The following TNFAIP8 variants were observed in gnomAD, a reference collection of about 807,000 sequenced individuals.
The protein encoded by TNFAIP8 is TNF alpha induced protein 8.
A neutral mutation model predicts 13.3 loss-of-function variants in TNFAIP8; 7 were observed. The ratio of observed to expected loss-of-function variants is 0.52; its 90% CI spans 0.30 to 0.99. TNFAIP8 has a LOEUF of 0.99. Ranked by LOEUF, TNFAIP8 falls within the 50% of genes least tolerant of loss-of-function variation. TNFAIP8 has a pLI of 0.07. For synonymous variants in TNFAIP8, 94 were observed against 87.6 expected (o/e 1.07, Z -0.41); for missense variants, 258 against 236.9 (o/e 1.09, Z -0.58).
rs577315440 is a variant in TNFAIP8, at chr5:119,315,727, T to A, written c.1+46820T>A. Among the ~76,000 whole-genome samples, 3 of 152,234 alleles carry A rather than the reference T, an allele frequency of 2.0e-5. No individual in the cohort carries two copies. The South Asian group carries it at 6.2e-4, about 32-fold the overall frequency. ...TGACCTTGGAGCTTTTTTACAGGAA[T>A]CAAGCTTTGCTGTCAGCTCCTGACA... On this transcript the variant is annotated intron_variant, in intron 1 of 1. Coordinates refer to the TNFAIP8 transcript ENST00000274456.
chr5:119,288,598 G>C (rs1748880984), intron 1 of TNFAIP8, among the ~76,000 whole-genome samples: 1 of 152,194 alleles, frequency 6.6e-6, no homozygotes, highest in Admixed American at 6.5e-5. Flanking sequence ...ACAGCTGGAA[G>C]GCAGCCTTTC....
chr5:119,358,775 CT>C (rs1293886264), intron 1 of TNFAIP8, among the ~76,000 whole-genome samples: 1 of 152,168 alleles, frequency 6.6e-6, no homozygotes, highest in Non-Finnish European at 1.5e-5. Flanking sequence ...CTCTGAGAAT[CT>C]TTCTAGTGCT....
At chr5:119,375,102 C>T (rs1752232975) in intron 1 of TNFAIP8, among the ~76,000 whole-genome samples, 1 of 152,186 alleles carries the variant, frequency 6.6e-6, no homozygotes, top group Admixed American at 6.5e-5. Flanking sequence ...CCAGCCAAAA[C>T]ATGTTGCCTG....
chr5:119,316,555 G>C (rs1161984564), intron 1 of TNFAIP8, among the ~76,000 whole-genome samples: 6 of 152,072 alleles, frequency 3.9e-5, no homozygotes, highest in African/African-American at 1.4e-4. Flanking sequence ...TTTGAGTTGG[G>C]TTAAATTGAT....
chr5:119,389,455 G>C (rs956923121), intron 1 of TNFAIP8, among the ~76,000 whole-genome samples: 10 of 152,152 alleles, frequency 6.6e-5, no homozygotes, highest in African/African-American at 1.9e-4. Context: ...TCCAGGACTA[G>C]CTCTGAGATA....
chr5:119,312,968 C>T (rs1389694205), intron 1 of TNFAIP8, among the ~76,000 whole-genome samples: 1 of 151,974 alleles, frequency 6.6e-6, no homozygotes, highest in African/African-American at 2.4e-5. Context: ...AATAGGCTAT[C>T]TAATAAAAAC....
intron 1 of TNFAIP8, among the ~76,000 whole-genome samples, chr5:119,280,904 AG>A (rs143945489): frequency 0.094 from 14,222 of 151,940 alleles, 1,007 homozygotes; most frequent in African/African-American, 0.2. Flanking sequence ...ATCACTGATT[AG>A]GGTTTTTTTT....
upstream of TNFAIP8, chr5:119,355,093 T>C: frequency 1.9e-6 from 1 of 535,664 alleles, no homozygotes; most frequent in Non-Finnish European, 3.3e-6. Context: ...GGACTTCCTC[T>C]CAGCCAATTT....
intron 1 of TNFAIP8, among the ~76,000 whole-genome samples, chr5:119,348,334 A>C (rs1750982473): frequency 6.6e-6 from 1 of 152,256 alleles, no homozygotes; most frequent in African/African-American, 2.4e-5. Flanking sequence ...ACCTATGTTT[A>C]TCTCATCACA....
intron 1 of TNFAIP8, among the ~76,000 whole-genome samples, chr5:119,359,221 A>G (rs1293271138): frequency 6.6e-6 from 1 of 152,086 alleles, no homozygotes; most frequent in Non-Finnish European, 1.5e-5. Flanking sequence ...ATATAGAAGA[A>G]CTCAAGCTCC....
chr5:119,378,245 G>A (rs1752355053), intron 1 of TNFAIP8, among the ~76,000 whole-genome samples: 3 of 152,162 alleles, frequency 2.0e-5, no homozygotes, highest in Admixed American at 2.0e-4. Context: ...GTTAGAAAGG[G>A]GTAACAACCA....
At chr5:119,302,900 A>G (rs1749440121) in intron 1 of TNFAIP8, among the ~76,000 whole-genome samples, 1 of 152,150 alleles carries the variant, frequency 6.6e-6, no homozygotes, top group Admixed American at 6.5e-5. Flanking sequence ...GAGATTTCCC[A>G]TTCCTGAGTG....
At chr5:119,293,575 G>C (rs906807010) in intron 1 of TNFAIP8, among the ~76,000 whole-genome samples, 1 of 152,056 alleles carries the variant, frequency 6.6e-6, no homozygotes, top group East Asian at 1.9e-4. Context: ...GTACTATATT[G>C]TCACTATTTA....
chr5:119,387,415 C>T (rs1752722677), intron 1 of TNFAIP8, among the ~76,000 whole-genome samples: 1 of 152,134 alleles, frequency 6.6e-6, no homozygotes, highest in Admixed American at 6.5e-5. Context: ...CAAGAATTTG[C>T]AATGTATGTA....
chr5:119,343,124 C>G (rs1750794646), intron 1 of TNFAIP8, among the ~76,000 whole-genome samples: 1 of 151,820 alleles, frequency 6.6e-6, no homozygotes, highest in South Asian at 2.1e-4. Context: ...GTTCCTAAAG[C>G]AATTGTGGTG....
intron 1 of TNFAIP8, among the ~76,000 whole-genome samples, chr5:119,274,696 C>T (rs1581559488): frequency 6.6e-6 from 1 of 152,234 alleles, no homozygotes; most frequent in East Asian, 1.9e-4. Context: ...AGCAAGGATT[C>T]CCTGCCCTGT....
At chr5:119,284,392 T>G (rs186342760) in intron 1 of TNFAIP8, among the ~76,000 whole-genome samples, 1 of 152,198 alleles carries the variant, frequency 6.6e-6, no homozygotes, top group East Asian at 1.9e-4. Context: ...CTCAGAGCTA[T>G]TTAAAAATCC....
chr5:119,356,828 G>C (rs948980878), intron 1 of TNFAIP8, among the ~76,000 whole-genome samples: 7 of 152,028 alleles, frequency 4.6e-5, no homozygotes, highest in African/African-American at 7.3e-5. Context: ...TGTTAGTTTG[G>C]GGAGTTTATT....
chr5:119,350,102 A>T, intron 1 of TNFAIP8, among the ~76,000 whole-genome samples: 1 of 152,192 alleles, frequency 6.6e-6, no homozygotes, highest in Admixed American at 6.5e-5. Context: ...AATAAAACCT[A>T]ATACAAGACA....
Sources: gnomAD v4.1 joint callset for allele counts (sites outside exome capture counted in the v4.1 genomes callset) on GRCh38, gnomAD v4.1.1 for gene constraint, MANE v1.5 for transcripts, NCBI Gene and HGNC (gene_info 2026-07-23, HGNC 2026-07-21) for gene names.